Variants in DCN observed in about 807,000 individuals in gnomAD.
The protein encoded by DCN is bone proteoglycan II.
Under a neutral mutation model 36.5 loss-of-function variants are expected in DCN, and 17 were observed. That is an observed-to-expected ratio of 0.47 (90% CI 0.32 to 0.70). The LOEUF (loss-of-function observed/expected upper bound fraction) is 0.70. DCN is among the 30% of genes least tolerant of loss of function. The probability of loss-of-function intolerance (pLI) is 0.04; values close to 1 mark genes in which losing one functional copy is unlikely to be tolerated. For synonymous variants in DCN, 163 were observed against 161.4 expected, an observed-to-expected ratio of 1.01 and a Z score of -0.07; for missense variants, 389 against 430.1, an observed-to-expected ratio of 0.90 and a Z score of 0.84.
intron 4 of DCN, 88 bp downstream of exon 4, chr12:91,158,208 A>G: frequency 1.2e-6 from 1 of 846,456 alleles, no homozygotes; most frequent in Non-Finnish European, 2.1e-6. Context: ...GCTTGTAGCT[A>G]ATTTACCTTC....
rs113560440 is a variant in DCN, at chr12:91,164,662, T to C, written c.267A>G (p.Gln89=). The C allele has an allele frequency of 6.2e-7, 1 of 1,613,568 alleles. No individual in the cohort carries two copies. Among genetic ancestry groups the C allele is most frequent in the East Asian group, 2.2e-5 (1 of 44,862 alleles). The change falls in exon 3 of 8, where the codon CAA becomes CAG. Residue 89 remains glutamine, a synonymous_variant. Coordinates refer to ENST00000052754, the MANE Select transcript of DCN (RefSeq NM_001920.5). ...CTTTGATTTCGGTTATTTTGTTGTT[T>C]TGCAGGTCTAGCAGAGTTGTGTCAG... ...LPPDTTLLDL[Q]NNKITEIKDG... is the part of the protein sequence containing the mutation.
chr12:91,169,111 T>C (rs562969901), intron 2 of DCN, among the ~76,000 whole-genome samples: 1 of 152,296 alleles, frequency 6.6e-6, no homozygotes, highest in South Asian at 2.1e-4. Context: ...TTAAGAGATG[T>C]TTTAGCTGGG....
At chr12:91,172,833 G>A (rs1479566868) in intron 2 of DCN, 2 of 662,174 alleles carry the variant, frequency 3.0e-6, no homozygotes, top group African/African-American at 1.8e-5. Flanking sequence ...GTTGTGTAGA[G>A]GTTGTACGAA....
chr12:91,146,408 G>C (rs1259081837), intron 7 of DCN, among the ~76,000 whole-genome samples, 156 bp from the exon 8 acceptor site: 1 of 135,286 alleles, frequency 7.4e-6, no homozygotes, highest in Non-Finnish European at 1.5e-5. Flanking sequence ...CCAGGCTGGA[G>C]TGCAGTGGCA....
rs3138194 is a variant in DCN, at chr12:91,170,775, G to A, written c.212-6058C>T. On this transcript the variant is annotated intron_variant, in intron 2 of 7. Coordinates refer to ENST00000052754, the MANE Select transcript of DCN (RefSeq NM_001920.5). ...CCATTTCCTCATCTGAAAACACCAA[G>A]CCGGAAGTAAATTGTGGTAGAAATA... 9.1e-3 allele frequency among the ~76,000 whole-genome samples: 1,385 copies of A among 152,220 alleles called. 25 individuals are homozygous for A. Among genetic ancestry groups the A allele is most frequent in the African/African-American group, 0.032 (1,324 of 41,504 alleles).
rs73360015 is a variant in DCN, at chr12:91,151,261, C to T, written c.885+393G>A. On this transcript the variant is annotated intron_variant, in intron 7 of 7. Coordinates refer to ENST00000052754, the MANE Select transcript of DCN (RefSeq NM_001920.5). ...TGTCAAAAAGAATCAGGAGCTAGAC[C>T]AAAGAAGCTCTTTCCAGTCAATTCT... 2.8e-3 allele frequency: 630 copies of T among 221,136 alleles called. 4 individuals carry two copies. Among genetic ancestry groups the T allele is most frequent in the African/African-American group, 0.014 (592 of 42,214 alleles). The allele number at this position is 221,136 out of a possible 1,614,324, so 13.7% of individuals were successfully genotyped here.
At chr12:91,155,763 G>A (rs1881729722) in intron 5 of DCN, among the ~76,000 whole-genome samples, 1 of 152,102 alleles carries the variant, frequency 6.6e-6, no homozygotes, top group Non-Finnish European at 1.5e-5. Flanking sequence ...ACATGAAAGT[G>A]CTTTATGAAT....
At position 91,140,926 on chromosome 12, in the gene DCN, A is replaced by T. The variant is rs1380108778; in HGVS notation, c.*5132T>A. 1 of 152,206 alleles carries T rather than the reference A, an allele frequency of 6.6e-6. No homozygotes were observed. Among genetic ancestry groups the T allele is most frequent in the African/African-American group, 2.4e-5 (1 of 41,426 alleles). The allele number at this position is 152,206 out of a possible 1,614,324, so 9.4% of individuals were successfully genotyped here. A position where few individuals can be genotyped will look rare whatever the true frequency, so the allele number is the denominator to read the frequency against. The stretch of plus-strand genomic sequence containing the variant: ...TTTCTCTCTCATGCCCCATCTGATC[A>T]TTCAGCCATCCCTGGCCTCTCTACC... On this transcript the variant is annotated 3_prime_UTR_variant, in exon 8 of 8. Coordinates refer to ENST00000052754, the MANE Select transcript of DCN (RefSeq NM_001920.5).
At chr12:91,164,263 G>A (rs1882355299) in intron 3 of DCN, among the ~76,000 whole-genome samples, 1 of 151,684 alleles carries the variant, frequency 6.6e-6, no homozygotes, top group Middle Eastern at 3.4e-3. Flanking sequence ...TATACCTAAT[G>A]CTAGATGACA....
chr12:91,158,540 A>G, intron 3 of DCN, 31 bp from the exon 4 acceptor site: 1 of 1,140,974 alleles, frequency 8.8e-7, no homozygotes. Context: ...CATCTCTTTA[A>G]ATCCAAAACC....
At chr12:91,181,683 C>T (rs1868406794) in intron 1 of DCN, among the ~76,000 whole-genome samples, 1 of 152,040 alleles carries the variant, frequency 6.6e-6, no homozygotes, top group Admixed American at 6.6e-5. Context: ...ATTATGTTAT[C>T]TATGCCTCTG....
intron 2 of DCN, chr12:91,169,484 T>C (rs889590021): frequency 1.3e-5 from 2 of 151,506 alleles, no homozygotes; most frequent in African/African-American, 4.9e-5. Flanking sequence ...CTATAAACTA[T>C]GGCTATTTTA....
At chr12:91,157,622 T>C (rs2121206416) in intron 4 of DCN, among the ~76,000 whole-genome samples, 1 of 151,848 alleles carries the variant, frequency 6.6e-6, no homozygotes, top group Non-Finnish European at 1.5e-5. Flanking sequence ...TTTTACTATA[T>C]GTTTAGAGAA....
At chr12:91,173,351 G>T (rs1213596234) in intron 2 of DCN, among the ~76,000 whole-genome samples, 2 of 152,094 alleles carry the variant, frequency 1.3e-5, no homozygotes, top group Non-Finnish European at 2.9e-5. Context: ...CCCTCCTGGG[G>T]ACCAAGAAGG....
intron 2 of DCN, among the ~76,000 whole-genome samples, chr12:91,178,086 T>G (rs2121325532): frequency 6.6e-6 from 1 of 152,188 alleles, no homozygotes; most frequent in African/African-American, 2.4e-5. Context: ...TCAGAAATAT[T>G]TTTAAAAATG....
chr12:91,160,621 G>A (rs1347494341), intron 3 of DCN, among the ~76,000 whole-genome samples: 2 of 152,040 alleles, frequency 1.3e-5, no homozygotes, highest in Non-Finnish European at 2.9e-5. Context: ...GAGATATCAA[G>A]TGTGACTACC....
chr12:91,178,925 A>C (rs1367255527), intron 1 of DCN, among the ~76,000 whole-genome samples: 2 of 152,176 alleles, frequency 1.3e-5, no homozygotes, highest in South Asian at 2.1e-4. Context: ...CACTTAACAC[A>C]TGGTCAGATA....
At chr12:91,155,028 C>T (rs1437968865) in intron 5 of DCN, among the ~76,000 whole-genome samples, 1 of 152,090 alleles carries the variant, frequency 6.6e-6, no homozygotes, top group East Asian at 1.9e-4. Context: ...GAGAAAATAT[C>T]ACCAGGAGGT....
intron 2 of DCN, chr12:91,177,484 T>C (rs1356860033): frequency 1.6e-5 from 11 of 672,748 alleles, no homozygotes; most frequent in Non-Finnish European, 2.7e-6. Flanking sequence ...AGTAAGAAAA[T>C]ACACCCCTTC....
Sources: allele counts gnomAD v4.1 joint callset (sites outside exome capture counted in the v4.1 genomes callset), GRCh38; gene constraint gnomAD v4.1.1; transcripts MANE v1.5; gene names NCBI Gene and HGNC (gene_info 2026-07-23, HGNC 2026-07-21).